FAR1: variants seen among roughly 807,000 people sequenced by gnomAD.
FAR1 encodes male sterility domain-containing protein 2.
A neutral mutation model predicts 61.1 loss-of-function variants in FAR1; 22 were observed. That is an observed-to-expected ratio of 0.36 (90% CI 0.26 to 0.51). The LOEUF is 0.51. Among genes scored for constraint, FAR1 ranks in the 20% least tolerant of loss-of-function variants. The probability of loss-of-function intolerance (pLI) is 0.95; values close to 1 mark genes in which losing one functional copy is unlikely to be tolerated. For synonymous variants in FAR1, 206 were observed against 209.7 expected, an observed-to-expected ratio of 0.98 and a Z score of 0.15; for missense variants, 359 against 626.9, an observed-to-expected ratio of 0.57 and a Z score of 4.56.
intron 3 of FAR1, among the ~76,000 whole-genome samples, chr11:13,702,449 T>C (rs113269655): frequency 2.6e-5 from 4 of 152,136 alleles, no homozygotes; most frequent in African/African-American, 9.7e-5. Context: ...CTAACAAATA[T>C]CCTTATTTTT....
chr11:13,723,877 TATAA>T (rs769166463), intron 10 of FAR1, among the ~76,000 whole-genome samples: 97 of 152,292 alleles, frequency 6.4e-4, no homozygotes, highest in Middle Eastern at 3.4e-3. Flanking sequence ...TTTCAGATCT[TATAA>T]ATGTTTCTTA....
chr11:13,688,509 A>G (rs1848214307), intron 1 of FAR1, among the ~76,000 whole-genome samples: 1 of 152,168 alleles, frequency 6.6e-6, no homozygotes, highest in African/African-American at 2.4e-5. Context: ...GGTTGAACTC[A>G]TCCCAGGCTC....
At chr11:13,691,265 C>A (rs1277796870) in intron 1 of FAR1, among the ~76,000 whole-genome samples, 1 of 152,190 alleles carries the variant, frequency 6.6e-6, no homozygotes, top group South Asian at 2.1e-4. Context: ...TTGAGTGAAG[C>A]CACTTTTATG....
chr11:13,689,308 A>G (rs1401938635), intron 1 of FAR1, among the ~76,000 whole-genome samples: 2 of 152,250 alleles, frequency 1.3e-5, no homozygotes, highest in Non-Finnish European at 1.5e-5. Flanking sequence ...CCTTCATGTT[A>G]CCTTCTGGTC....
At chr11:13,693,759 T>C (rs940033835) in intron 1 of FAR1, among the ~76,000 whole-genome samples, 2 of 152,194 alleles carry the variant, frequency 1.3e-5, no homozygotes, top group Admixed American at 1.3e-4. Context: ...CAATTCAGTC[T>C]TATCTGTTTC....
At chr11:13,703,553 G>A (rs1025693095) in intron 3 of FAR1, among the ~76,000 whole-genome samples, 1 of 152,188 alleles carries the variant, frequency 6.6e-6, no homozygotes, top group African/African-American at 2.4e-5. Context: ...AGTGCATATG[G>A]TCTAGAGGCG....
chr11:13,721,676 G>A lies in FAR1; in HGVS notation c.1128-54G>A. The A allele has an allele frequency of 1.3e-6, 2 of 1,536,680 alleles. No homozygotes were observed. The highest frequency in any genetic ancestry group is 1.2e-5 in the South Asian group (1 of 82,746). On this transcript the variant is annotated intron_variant, in intron 9 of 11. Transcript: ENST00000354817. The surrounding 1 kb of genome is among the most constrained non-coding windows in gnomAD (Gnocchi z 4.2). ...AAACTTGCACCCTGGGTGGTGATAG[G>A]ATTTTTCCTAATCTATACAAAATAT...
chr11:13,713,588 G>A (rs184758902), intron 8 of FAR1, among the ~76,000 whole-genome samples: 3 of 152,230 alleles, frequency 2.0e-5, no homozygotes, highest in Non-Finnish European at 2.9e-5. Context: ...AAAACCCATT[G>A]AAATTGAGTC....
rs185518678 is a variant in FAR1 at position 13,723,023 on chromosome 11, G to A, written c.1257+1164G>A. ...GTGAATTCTGAGTTTTTGATTGTCT[G>A]ATATGTGTGTTGTTTCACCCTTGGT... On this transcript the variant is annotated intron_variant, in intron 10 of 11. Transcript: ENST00000354817. Among the ~76,000 whole-genome samples, 17 of 152,088 alleles carry A rather than the reference G, an allele frequency of 1.1e-4. 1 individual carries two copies. The Middle Eastern group carries it at 0.01, about 91-fold the overall frequency.
chr11:13,689,680 A>G (rs565477357), intron 1 of FAR1, among the ~76,000 whole-genome samples: 1 of 152,216 alleles, frequency 6.6e-6, no homozygotes, highest in African/African-American at 2.4e-5. Context: ...GTCCTATGAT[A>G]TGTGAATGTT....
At chr11:13,689,310 C>T (rs1356874844) in intron 1 of FAR1, among the ~76,000 whole-genome samples, 1 of 152,058 alleles carries the variant, frequency 6.6e-6, no homozygotes, top group Admixed American at 6.6e-5. Context: ...TTCATGTTAC[C>T]TTCTGGTCAC....
intron 10 of FAR1, among the ~76,000 whole-genome samples, chr11:13,724,582 G>T (rs1167642590): frequency 6.7e-6 from 1 of 150,142 alleles, no homozygotes; most frequent in Non-Finnish European, 1.5e-5. Context: ...CTGTAGATTT[G>T]GGTCATTACA....
At chr11:13,698,641 T>C (rs1848335362) in intron 2 of FAR1, among the ~76,000 whole-genome samples, 1 of 152,056 alleles carries the variant, frequency 6.6e-6, no homozygotes, top group Non-Finnish European at 1.5e-5. Context: ...CCATCCTGGC[T>C]AACATGGTGA....
intron 6 of FAR1, 52 bp downstream of exon 6, chr11:13,711,860 G>A: frequency 6.4e-7 from 1 of 1,554,282 alleles, no homozygotes; most frequent in South Asian, 1.2e-5. Flanking sequence ...TCTGCTTTTT[G>A]TATATCTTTA....
intron 3 of FAR1, among the ~76,000 whole-genome samples, chr11:13,702,177 T>C (rs1056771691): frequency 4.6e-5 from 7 of 152,278 alleles, no homozygotes; most frequent in African/African-American, 1.4e-4. Context: ...CAAAAGTATG[T>C]TATTAGGACT....
At chr11:13,707,646 C>A (rs1440221953) in intron 3 of FAR1, among the ~76,000 whole-genome samples, 2 of 152,054 alleles carry the variant, frequency 1.3e-5, no homozygotes, top group African/African-American at 4.8e-5. Flanking sequence ...TGTTCCTGGA[C>A]AATTATATAA....
chr11:13,707,649 T>G (rs1254824550), intron 3 of FAR1, among the ~76,000 whole-genome samples: 1 of 152,176 alleles, frequency 6.6e-6, no homozygotes, highest in Non-Finnish European at 1.5e-5. Flanking sequence ...TCCTGGACAA[T>G]TATATAATTT....
chr11:13,708,166 A>G, intron 4 of FAR1, 87 bp downstream of exon 4: 1 of 904,586 alleles, frequency 1.1e-6, no homozygotes, highest in Non-Finnish European at 1.6e-6. Context: ...GTTCAAGAGC[A>G]GCCAGGCCAA....
chr11:13,678,552 G>A (rs1472899996), intron 1 of FAR1, among the ~76,000 whole-genome samples: 12 of 152,100 alleles, frequency 7.9e-5, no homozygotes, highest in Admixed American at 2.0e-4. Context: ...GCATGGCCAC[G>A]AAGGTCATGC....
Sources: gnomAD v4.1 joint callset for allele counts (sites outside exome capture counted in the v4.1 genomes callset) on GRCh38, gnomAD v4.1.1 for gene constraint, Gnocchi (gnomAD v3.1) non-coding constraint, MANE v1.5 for transcripts, NCBI Gene and HGNC (gene_info 2026-07-23, HGNC 2026-07-21) for gene names.